GRK6: variants seen among roughly 807,000 people sequenced by gnomAD.
The protein encoded by GRK6 is G protein-coupled receptor kinase 6.
In GRK6, 37 loss-of-function variants were observed where a neutral mutation model predicts 80.8. The observed-to-expected ratio is 0.46, with a 90% CI of 0.35 to 0.60. The LOEUF is 0.60. Among genes scored for constraint, GRK6 ranks in the 20% least tolerant of loss-of-function variants. GRK6 has a pLI of 0.00. For missense variants in GRK6, 560 were observed against 784.6 expected (o/e 0.71, Z 3.42); for synonymous variants, 295 against 320.9 (o/e 0.92, Z 0.86).
chr5:177,427,482 C>T (rs1763721792), intron 1 of GRK6, among the ~76,000 whole-genome samples: 1 of 152,196 alleles, frequency 6.6e-6, no homozygotes, highest in South Asian at 2.1e-4. Flanking sequence ...CTAGCGGACA[C>T]AGAAAGAAGT....
rs1561664075 is a variant in GRK6, at chr5:177,442,560, T to C, written c.*770T>C. 6.5e-6 allele frequency: 1 copy of C among 152,750 alleles called. No homozygotes were observed. Among genetic ancestry groups the C allele is most frequent in the Non-Finnish European group, 1.5e-5 (1 of 68,120 alleles). 9.5% of individuals were successfully genotyped at this position (152,750 alleles called of 1,614,324 possible). A position where few individuals can be genotyped will look rare whatever the true frequency, so the allele number is the denominator to read the frequency against. On this transcript the variant is annotated 3_prime_UTR_variant, in exon 16 of 16. Coordinates refer to ENST00000355472, the MANE Select transcript of GRK6 (RefSeq NM_001004106.3). ...CCAGCCCCTAGGAGGGGGTGGGGCA[T>C]CCCTGGTCAACCCTCAAACATTCCG... is the stretch of plus-strand genomic sequence containing the variant.
At position 177,442,609 on chromosome 5, in the gene GRK6, CAT is replaced by C. The variant is rs987763783; in HGVS notation, c.*820_*821del. On this transcript the variant is annotated 3_prime_UTR_variant, in exon 16 of 16. Transcript: ENST00000355472. The stretch of plus-strand genomic sequence containing the variant: ...CGGACTCCCCTCATAACAATAGACA[CAT>C]GTGCCCAGCAATAATCCGCCCCTTC... The C allele has an allele frequency of 5.9e-5, 9 of 152,880 alleles. No individual in the cohort carries two copies. Among genetic ancestry groups the C allele is most frequent in the Admixed American group, 3.3e-4 (5 of 15,288 alleles). 9.5% of individuals were successfully genotyped at this position (152,880 alleles called of 1,614,324 possible).
In GRK6 at chr5:177,436,013, G is replaced by A. The variant is rs529065266; in HGVS notation, c.1058-60G>A. The A allele has an allele frequency of 9.6e-6, 14 of 1,457,760 alleles. No homozygotes were observed. The East Asian group carries it at 3.0e-4, about 31-fold the overall frequency. 90.3% of individuals were successfully genotyped at this position (1,457,760 alleles called of 1,614,324 possible). A position where few individuals can be genotyped will look rare whatever the true frequency, so the allele number is the denominator to read the frequency against. On this transcript the variant is annotated intron_variant, in intron 11 of 15. Coordinates refer to ENST00000355472, the MANE Select transcript of GRK6 (RefSeq NM_001004106.3). Reference sequence around the variant, plus strand: ...GACCTAACGTGCACTGGCGTTCCTGGGGCCTGAGGGTCCACTGCCCGCCTC... The same window carrying A: ...GACCTAACGTGCACTGGCGTTCCTGAGGCCTGAGGGTCCACTGCCCGCCTC...
chr5:177,430,198 G>C (rs1424442238), intron 1 of GRK6, among the ~76,000 whole-genome samples: 2 of 152,210 alleles, frequency 1.3e-5, no homozygotes, highest in Non-Finnish European at 2.9e-5. Flanking sequence ...GGCCTTCGCT[G>C]TTCCTGGTCA....
rs1169931126 is a variant in GRK6, at chr5:177,429,310, GCTCCACTGA to G, written c.53-1559_53-1551del. Among the ~76,000 whole-genome samples, 1 of 152,120 alleles carries G rather than the reference GCTCCACTGA, an allele frequency of 6.6e-6. No individual in the cohort carries two copies. The highest frequency in any genetic ancestry group is 2.4e-5 in the African/African-American group (1 of 41,412). On this transcript the variant is annotated intron_variant, in intron 1 of 15. Transcript: ENST00000355472. The surrounding 1 kb of genome is among the most constrained non-coding windows in gnomAD (Gnocchi z 4.3). ...AAGGGGACAGGGAGGGTGGGGAAGA[GCTCCACTGA>G]CTGGGCAGCCCAGGACAGGATATTT...
At chr5:177,427,348 C>T (rs895369816) in intron 1 of GRK6, among the ~76,000 whole-genome samples, 7 of 152,230 alleles carry the variant, frequency 4.6e-5, no homozygotes, top group African/African-American at 1.7e-4. Context: ...CACAGCCCAC[C>T]TGACTTGGGG....
At position 177,442,062 on chromosome 5, in the gene GRK6, G is replaced by A. The variant is rs1581694808; in HGVS notation, c.*272G>A. 8.7e-6 allele frequency: 4 copies of A among 460,750 alleles called. No individual in the cohort carries two copies. The East Asian group carries it at 1.4e-4, about 17-fold the overall frequency. The allele number at this position is 460,750 out of a possible 1,614,324, so 28.5% of individuals were successfully genotyped here. A position where few individuals can be genotyped will look rare whatever the true frequency, so the allele number is the denominator to read the frequency against. Reference sequence around the variant, plus strand: ...TTATGTATTTGTACGAATGTATATAGCGACCAGAGCATTCTTAATTCCCGC... The same window carrying A: ...TTATGTATTTGTACGAATGTATATAACGACCAGAGCATTCTTAATTCCCGC... On this transcript the variant is annotated 3_prime_UTR_variant, in exon 16 of 16. Coordinates refer to ENST00000355472, the MANE Select transcript of GRK6 (RefSeq NM_001004106.3).
In GRK6 at chr5:177,441,737, G is replaced by A; in HGVS notation, c.1678G>A (p.Asp560Asn). 1 of 1,611,818 alleles carries A rather than the reference G, an allele frequency of 6.2e-7. No homozygotes were observed. Among genetic ancestry groups the A allele is most frequent in the Non-Finnish European group, 8.5e-7 (1 of 1,178,582 alleles). Residue 560 changes from aspartate (D) to asparagine (N), a missense_variant and splice_region_variant, in exon 16 of 16, where the codon GAT (aspartate) becomes AAT (asparagine). By Grantham distance (23) the Asp-to-Asn change is conservative. Around this residue, in one of 3 missense-constraint regions of GRK6, gnomAD observed 294 missense variants for 397.4 expected, o/e 0.74. Coordinates refer to ENST00000355472, the MANE Select transcript of GRK6 (RefSeq NM_001004106.3). ...GLLQRLFSRQ[D>N]CCGNCSDSEE... is the part of the protein sequence containing the mutation. ...CTCCGTGTCTTCCCCGTCCCTCCAGGATTGCTGTGGAAACTGCAGCGACAG... is the reference window on the plus strand; with the variant it reads ...CTCCGTGTCTTCCCCGTCCCTCCAGAATTGCTGTGGAAACTGCAGCGACAG...
chr5:177,441,742 C>T lies in GRK6; in HGVS notation c.1683C>T (p.Cys561=). 5 of 1,612,040 alleles carry T rather than the reference C, an allele frequency of 3.1e-6. No individual in the cohort carries two copies. Among genetic ancestry groups the T allele is most frequent in the Non-Finnish European group, 4.2e-6 (5 of 1,178,702 alleles). ...TGTCTTCCCCGTCCCTCCAGGATTG[C>T]TGTGGAAACTGCAGCGACAGCGAGG... ...LLQRLFSRQD[C]CGNCSDSEEE... Residue 561 remains cysteine (C), a synonymous_variant, in exon 16 of 16, where the codon TGC becomes TGT. Coordinates refer to ENST00000355472, the MANE Select transcript of GRK6 (RefSeq NM_001004106.3).
chr5:177,440,903 G>A lies in GRK6; in HGVS notation c.1543-16G>A, dbSNP rs369169891. 28 of 1,613,770 alleles carry A rather than the reference G, an allele frequency of 1.7e-5. No homozygotes were observed. The highest frequency in any genetic ancestry group is 8.3e-5 in the Admixed American group (5 of 60,006). ...TGCCCTGGGGACAGCTGTCACAGCC[G>A]CCTGCTCCTCAGCAGATGGTGGAGA... On this transcript the variant is annotated splice_polypyrimidine_tract_variant and intron_variant, in intron 14 of 15. Coordinates refer to ENST00000355472, the MANE Select transcript of GRK6 (RefSeq NM_001004106.3).
upstream of GRK6, among the ~76,000 whole-genome samples, chr5:177,425,824 A>AT (rs538985821): frequency 2.0e-5 from 3 of 152,360 alleles, no homozygotes; most frequent in East Asian, 5.8e-4. Context: ...CAAGGTGTTG[A>AT]TTAGCTGTAA....
At position 177,432,727 on chromosome 5, in the gene GRK6, G is replaced by A. The variant is rs1396590384; in HGVS notation, c.361G>A (p.Val121Ile). The A allele has an allele frequency of 5.6e-6, 9 of 1,608,874 alleles. No individual in the cohort carries two copies. Among genetic ancestry groups the A allele is most frequent in the Non-Finnish European group, 7.6e-6 (9 of 1,177,782 alleles). ...CCAGGGTCCTGACCTCATCCCTGAG[G>A]TCCCCCGGCAGCTGGTGACGAACTG... ...SHTGPDLIPE[V>I]PRQLVTNCTQ... The change falls in exon 5 of 16, where the codon GTC (valine) becomes ATC (isoleucine). Residue 121 changes from valine to isoleucine, a missense_variant. Around this residue, in one of 3 missense-constraint regions of GRK6, gnomAD observed 189 missense variants for 230.2 expected, o/e 0.82. Coordinates refer to ENST00000355472, the MANE Select transcript of GRK6 (RefSeq NM_001004106.3).
chr5:177,436,562 G>T (rs750561709), intron 13 of GRK6, 32 bp downstream of exon 13: 5 of 1,533,176 alleles, frequency 3.3e-6, no homozygotes, highest in Non-Finnish European at 3.5e-6. Flanking sequence ...TGAGGGCGGG[G>T]CCCAGCCAGG....
intron 1 of GRK6, among the ~76,000 whole-genome samples, chr5:177,427,445 C>T (rs577932211): frequency 1.3e-5 from 2 of 152,306 alleles, no homozygotes; most frequent in African/African-American, 4.8e-5. Context: ...GGATATTTGC[C>T]CTCAGGGAGC....
chr5:177,435,161 C>T, intron 11 of GRK6, 40 bp downstream of exon 11: 1 of 1,471,536 alleles, frequency 6.8e-7, no homozygotes, highest in Non-Finnish European at 9.3e-7. Flanking sequence ...TCCTGGGTTC[C>T]CTCACTATCC....
rs1170409059 is a variant in GRK6 at position 177,429,399 on chromosome 5, A to C, written c.53-1473A>C. On this transcript the variant is annotated intron_variant, in intron 1 of 15. Coordinates refer to ENST00000355472, the MANE Select transcript of GRK6 (RefSeq NM_001004106.3). The surrounding 1 kb of genome is among the most constrained non-coding windows in gnomAD (Gnocchi z 4.3). ...TGGCTGGGAGGGGGGAGGAGGAAGTAACTGAGGGTGGGAGGCTGGCGGATG... is the reference window on the plus strand; with the variant it reads ...TGGCTGGGAGGGGGGAGGAGGAAGTCACTGAGGGTGGGAGGCTGGCGGATG... Among the ~76,000 whole-genome samples, 1 of 151,904 alleles carries C rather than the reference A, an allele frequency of 6.6e-6. No individual in the cohort carries two copies. Among genetic ancestry groups the C allele is most frequent in the Non-Finnish European group, 1.5e-5 (1 of 67,946 alleles).
Position 177,436,167 on chromosome 5 carries a change from C to G in GRK6, c.1152C>G (p.Pro384=). The change falls in exon 12 of 16, where the codon CCC becomes CCG. Residue 384 remains proline (P), a synonymous_variant. Transcript: ENST00000355472. Reference sequence around the variant, plus strand: ...ACGAGATGATCGCAGGCCAGTCGCCCTTCCAGCAGAGGAAGAAGAAGATCA... The same window carrying G: ...ACGAGATGATCGCAGGCCAGTCGCCGTTCCAGCAGAGGAAGAAGAAGATCA... The part of the protein sequence containing the change: ...LLYEMIAGQS[P]FQQRKKKIKR... 6.2e-7 allele frequency: 1 copy of G among 1,614,214 alleles called. No homozygotes were observed. The highest frequency in any genetic ancestry group is 8.5e-7 in the Non-Finnish European group (1 of 1,180,042).
chr5:177,439,078 A>G (rs1414762796), intron 13 of GRK6, among the ~76,000 whole-genome samples: 1 of 152,224 alleles, frequency 6.6e-6, no homozygotes, highest in Non-Finnish European at 1.5e-5. Flanking sequence ...CCTTGAAATA[A>G]CTACACTGCC....
In GRK6 at chr5:177,432,120, C is replaced by G; in HGVS notation, c.261+13C>G. 2 of 1,607,964 alleles carry G rather than the reference C, an allele frequency of 1.2e-6. No individual in the cohort carries two copies. Among genetic ancestry groups the G allele is most frequent in the Non-Finnish European group, 1.7e-6 (2 of 1,176,188 alleles). ...CCTGGATGGGGTGGTGAGTGCAGCC[C>G]AGCCCTGCCCAGCCCCGCGGGTGGC... On this transcript the variant is annotated intron_variant, in intron 3 of 15. Coordinates refer to ENST00000355472, the MANE Select transcript of GRK6 (RefSeq NM_001004106.3).
Sources: gnomAD v4.1 joint callset for allele counts (sites outside exome capture counted in the v4.1 genomes callset) on GRCh38, gnomAD v4.1.1 for gene constraint, gnomAD v4.1.1 regional missense constraint, Gnocchi (gnomAD v3.1) non-coding constraint, MANE v1.5 for transcripts, NCBI Gene and HGNC (gene_info 2026-07-23, HGNC 2026-07-21) for gene names.